Variants in XRCC4 observed in about 807,000 individuals in gnomAD.
The protein encoded by XRCC4 is DNA repair protein XRCC4.
XRCC4 carries 28 observed loss-of-function variants against 39.1 expected under a neutral mutation model. That is an observed-to-expected ratio of 0.72 (90% confidence interval 0.53 to 0.98). The LOEUF is 0.98. Ranked by LOEUF, XRCC4 falls within the 50% of genes least tolerant of loss-of-function variation. The pLI is 0.00. For synonymous variants in XRCC4, 123 were observed against 126.4 expected (o/e 0.97, Z 0.18); for missense variants, 350 against 376.4 (o/e 0.93, Z 0.58).
chr5:83,218,186 T>G lies in XRCC4; in HGVS notation c.745+13265T>G, dbSNP rs192718305. Among the ~76,000 whole-genome samples the G allele has an allele frequency of 6.0e-3, 899 of 150,416 alleles. 9 individuals carry two copies. The highest frequency in any genetic ancestry group is 0.021 in the African/African-American group (863 of 41,074). On this transcript the variant is annotated intron_variant, in intron 6 of 7. Coordinates refer to ENST00000396027, the MANE Select transcript of XRCC4 (RefSeq NM_003401.5). Reference sequence around the variant, plus strand: ...TGCACCCATTAACTCATCATTTACATTAGGTAGATCTACTAATGCTATCCC... The same window carrying G: ...TGCACCCATTAACTCATCATTTACAGTAGGTAGATCTACTAATGCTATCCC...
At chr5:83,311,485 A>G (rs1480906904) in intron 7 of XRCC4, among the ~76,000 whole-genome samples, 1 of 152,212 alleles carries the variant, frequency 6.6e-6, no homozygotes, top group Non-Finnish European at 1.5e-5. Context: ...AAATATATAC[A>G]TCTATTACGT....
chr5:83,349,177 C>T (rs1320152681), intron 7 of XRCC4, among the ~76,000 whole-genome samples: 1 of 152,174 alleles, frequency 6.6e-6, no homozygotes, highest in Non-Finnish European at 1.5e-5. Context: ...CAATGCCCCA[C>T]TTCTCTGGTT....
intron 7 of XRCC4, among the ~76,000 whole-genome samples, chr5:83,328,429 T>C (rs1355137774): frequency 6.6e-6 from 1 of 152,112 alleles, no homozygotes; most frequent in Non-Finnish European, 1.5e-5. Flanking sequence ...AGTGGCTTGA[T>C]ACATGACAAA....
At chr5:83,251,725 G>A (rs1753326046) in intron 6 of XRCC4, among the ~76,000 whole-genome samples, 1 of 152,124 alleles carries the variant, frequency 6.6e-6, no homozygotes, top group Non-Finnish European at 1.5e-5. Flanking sequence ...CCCAGTGTCA[G>A]CAGGTATTTG....
chr5:83,334,716 G>A (rs1008393160), intron 7 of XRCC4, among the ~76,000 whole-genome samples: 3 of 151,714 alleles, frequency 2.0e-5, no homozygotes, highest in South Asian at 2.1e-4. Context: ...ATATCAACAA[G>A]TGAAGGCACA....
intron 7 of XRCC4, among the ~76,000 whole-genome samples, chr5:83,324,394 G>A (rs1756178141): frequency 6.6e-6 from 1 of 151,980 alleles, no homozygotes; most frequent in Non-Finnish European, 1.5e-5. Flanking sequence ...CTGGAATTGT[G>A]GAATTCCTGT....
intron 7 of XRCC4, among the ~76,000 whole-genome samples, chr5:83,333,048 A>G (rs890371281): frequency 3.9e-5 from 6 of 152,316 alleles, no homozygotes; most frequent in Admixed American, 3.9e-4. Context: ...ACTTGTGGAC[A>G]GCTGTTACTC....
chr5:83,282,715 G>A (rs1045176245), intron 7 of XRCC4, among the ~76,000 whole-genome samples: 10 of 151,950 alleles, frequency 6.6e-5, no homozygotes, highest in Non-Finnish European at 1.0e-4. Context: ...GGTGGCAGGC[G>A]CCTGTAGTCC....
intron 3 of XRCC4, among the ~76,000 whole-genome samples, chr5:83,135,200 C>T (rs1462688409): frequency 9.9e-5 from 15 of 152,266 alleles, no homozygotes; most frequent in Middle Eastern, 3.4e-3. Context: ...CACCCTGCTT[C>T]GGCTCATGCT....
At chr5:83,220,069 A>G (rs1176727476) in intron 6 of XRCC4, among the ~76,000 whole-genome samples, 2 of 152,146 alleles carry the variant, frequency 1.3e-5, no homozygotes, top group East Asian at 3.9e-4. Context: ...CTAACGACCC[A>G]TGTATGACTA....
intron 6 of XRCC4, among the ~76,000 whole-genome samples, chr5:83,225,104 T>A (rs370346659): frequency 1.3e-5 from 2 of 152,270 alleles, no homozygotes; most frequent in African/African-American, 4.8e-5. Flanking sequence ...TATATGAGAA[T>A]GTTTTCATGA....
intron 7 of XRCC4, among the ~76,000 whole-genome samples, chr5:83,315,448 T>G (rs1160875476): frequency 6.6e-6 from 1 of 152,174 alleles, no homozygotes; most frequent in Non-Finnish European, 1.5e-5. Flanking sequence ...ATTTCCAGTG[T>G]ACACAAAACA....
At chr5:83,133,797 GC>G (rs1747733130) in intron 3 of XRCC4, among the ~76,000 whole-genome samples, 1 of 133,002 alleles carries the variant, frequency 7.5e-6, no homozygotes, top group Admixed American at 7.2e-5. Flanking sequence ...CAACATGCAA[GC>G]AGCCCTTGCT....
At chr5:83,228,866 C>T (rs910513092) in intron 6 of XRCC4, among the ~76,000 whole-genome samples, 4 of 152,010 alleles carry the variant, frequency 2.6e-5, no homozygotes, top group Admixed American at 2.6e-4. Flanking sequence ...TGTACTGTCT[C>T]CTTTTTCGAT....
intron 3 of XRCC4, among the ~76,000 whole-genome samples, chr5:83,118,070 A>G (rs1035986738): frequency 7.1e-5 from 8 of 112,918 alleles, no homozygotes; most frequent in Non-Finnish European, 1.3e-4. Context: ...ACACACACAC[A>G]CACACACATA....
chr5:83,151,885 A>T (rs1417173683), intron 3 of XRCC4, among the ~76,000 whole-genome samples: 1 of 152,238 alleles, frequency 6.6e-6, no homozygotes, highest in Non-Finnish European at 1.5e-5. Flanking sequence ...AGTGGAGATT[A>T]TTCAATACTA....
chr5:83,225,495 T>C (rs949561259), intron 6 of XRCC4, among the ~76,000 whole-genome samples: 1 of 151,822 alleles, frequency 6.6e-6, no homozygotes, highest in Non-Finnish European at 1.5e-5. Flanking sequence ...CTCCGGTTAT[T>C]TAGGATCACA....
At chr5:83,358,587 C>G (rs1757215437), downstream of XRCC4, among the ~76,000 whole-genome samples, 1 of 152,092 alleles carries the variant, frequency 6.6e-6, no homozygotes, top group African/African-American at 2.4e-5. Flanking sequence ...GCCCTGCACC[C>G]ATCTTGATAC....
intron 3 of XRCC4, among the ~76,000 whole-genome samples, chr5:83,194,008 A>T (rs554851881): frequency 2.0e-5 from 3 of 152,122 alleles, no homozygotes; most frequent in African/African-American, 7.2e-5. Context: ...ATCTAGGCTC[A>T]CTGCAACCTG....
Sources: gnomAD v4.1 joint callset for allele counts (sites outside exome capture counted in the v4.1 genomes callset) on GRCh38, gnomAD v4.1.1 for gene constraint, MANE v1.5 for transcripts, NCBI Gene and HGNC (gene_info 2026-07-23, HGNC 2026-07-21) for gene names.